Variants in NXPH1 observed in about 807,000 individuals in gnomAD.
The protein encoded by NXPH1 is neurexophilin-1.
A neutral mutation model predicts 23.7 loss-of-function variants in NXPH1; 5 were observed. That is an observed-to-expected ratio of 0.21 (90% CI 0.11 to 0.44). The LOEUF (loss-of-function observed/expected upper bound fraction) is 0.44. Ranked by LOEUF, NXPH1 falls within the 20% of genes least tolerant of loss-of-function variation. The probability of loss-of-function intolerance (pLI) is 0.99; values close to 1 mark genes in which losing one functional copy is unlikely to be tolerated. For synonymous variants in NXPH1, 144 were observed against 122.2 expected (o/e 1.18, Z -1.18); for missense variants, 324 against 321.6 (o/e 1.01, Z -0.06).
chr7:8,462,104 A>G (rs1266872433), intron 2 of NXPH1, among the ~76,000 whole-genome samples: 1 of 152,056 alleles, frequency 6.6e-6, no homozygotes, highest in Non-Finnish European at 1.5e-5. Flanking sequence ...GCTGGAGTGC[A>G]GTGGCGTGAT....
At chr7:8,569,468 A>C (rs1818607838) in intron 2 of NXPH1, among the ~76,000 whole-genome samples, 1 of 151,952 alleles carries the variant, frequency 6.6e-6, no homozygotes, top group Admixed American at 6.6e-5. Context: ...ATTTTAAGAT[A>C]TCTGTTAGCA....
At chr7:8,534,216 G>C (rs1328524485) in intron 2 of NXPH1, among the ~76,000 whole-genome samples, 5 of 152,042 alleles carry the variant, frequency 3.3e-5, no homozygotes, top group Non-Finnish European at 1.5e-5. Flanking sequence ...GCAGATGCTG[G>C]TGCCTCAAAG....
At chr7:8,698,130 G>A (rs944253957) in intron 2 of NXPH1, among the ~76,000 whole-genome samples, 3 of 152,158 alleles carry the variant, frequency 2.0e-5, no homozygotes, top group East Asian at 1.9e-4. Flanking sequence ...GGAGGCTTTC[G>A]GAGTCAGAAA....
rs34187217 is a variant in NXPH1 at position 8,446,909 on chromosome 7, CTT to C, written c.54+11153_54+11154del. ...CAATGATAACTAGAATAGTAATATT[CTT>C]TTTTTTTTTTCTTATAAGAATGACC... On this transcript the variant is annotated intron_variant, in intron 2 of 2. Transcript: ENST00000405863. Among the ~76,000 whole-genome samples the C allele has an allele frequency of 4.0e-3, 601 of 148,600 alleles. 8 individuals are homozygous for C. The highest frequency in any genetic ancestry group is 0.013 in the African/African-American group (546 of 40,618).
chr7:8,743,050 A>T (rs914006414), intron 2 of NXPH1, among the ~76,000 whole-genome samples: 1 of 152,222 alleles, frequency 6.6e-6, no homozygotes, highest in Non-Finnish European at 1.5e-5. Context: ...GCCCTTAACC[A>T]ATAGTAGTCA....
At chr7:8,647,462 C>G (rs1820414260) in intron 2 of NXPH1, among the ~76,000 whole-genome samples, 1 of 152,060 alleles carries the variant, frequency 6.6e-6, no homozygotes, top group Non-Finnish European at 1.5e-5. Context: ...AGTGCCAGGC[C>G]AGTTCAGCCA....
At chr7:8,464,188 A>G (rs1276554313) in intron 2 of NXPH1, among the ~76,000 whole-genome samples, 1 of 152,008 alleles carries the variant, frequency 6.6e-6, no homozygotes, top group African/African-American at 2.4e-5. Flanking sequence ...ATCTATCTCC[A>G]TTTAACCTCC....
chr7:8,528,179 C>G (rs1000172733), intron 2 of NXPH1, among the ~76,000 whole-genome samples: 6 of 152,204 alleles, frequency 3.9e-5, no homozygotes, highest in Admixed American at 3.9e-4. Context: ...GGAGCAAAGG[C>G]TTATCTTGCA....
intron 2 of NXPH1, among the ~76,000 whole-genome samples, chr7:8,663,600 A>C (rs780249159): frequency 6.6e-6 from 1 of 152,114 alleles, no homozygotes; most frequent in Non-Finnish European, 1.5e-5. Context: ...AAGGTTTCTC[A>C]ATTGCCAAAA....
intron 2 of NXPH1, among the ~76,000 whole-genome samples, chr7:8,594,160 C>T (rs181107849): frequency 3.3e-5 from 5 of 152,144 alleles, no homozygotes; most frequent in Admixed American, 2.6e-4. Flanking sequence ...CCACCCCCCA[C>T]GTTTACTTGA....
chr7:8,444,302 AGAGCGGTCGGAAGGTGAGGAAGAGAAG>A (rs1471986254), intron 2 of NXPH1, among the ~76,000 whole-genome samples: 2 of 152,196 alleles, frequency 1.3e-5, no homozygotes, highest in Non-Finnish European at 2.9e-5. Flanking sequence ...GAAGGTGAAA[AGAGCGGTCGGAAGGTGAGGAAGAGAAG>A]GTTTAGGCGC....
At chr7:8,671,116 A>G (rs139476590) in intron 2 of NXPH1, among the ~76,000 whole-genome samples, 18 of 152,352 alleles carry the variant, frequency 1.2e-4, no homozygotes, top group Admixed American at 3.3e-4. Context: ...ATTACTTTTT[A>G]AGGCAAAAAT....
In NXPH1 at chr7:8,511,471, T is replaced by C. The variant is rs76555586; in HGVS notation, c.54+75704T>C. 6.0e-4 allele frequency among the ~76,000 whole-genome samples: 92 copies of C among 152,202 alleles called. 1 individual carries two copies. In the East Asian group the frequency reaches 0.017, roughly 28 times the overall value. ...GCTGTCTGGCACCCTGCTCCCTCTC[T>C]CAGATGTGAGGCTGGTGTGTACAGT... On this transcript the variant is annotated intron_variant, in intron 2 of 2. Coordinates refer to ENST00000405863, the MANE Select transcript of NXPH1 (RefSeq NM_152745.3).
In NXPH1 at chr7:8,518,922, A is replaced by G. The variant is rs138463910; in HGVS notation, c.54+83155A>G. Among the ~76,000 whole-genome samples, 3 of 147,562 alleles carry G rather than the reference A, an allele frequency of 2.0e-5. No homozygotes were observed. In the East Asian group the frequency reaches 6.0e-4, roughly 29 times the overall value. ...CCCCAGCTTCCCCCATCCCCTGTTCATTTTTTTTTTCTCCCCAAAGGCTGG... is the reference window on the plus strand; with the variant it reads ...CCCCAGCTTCCCCCATCCCCTGTTCGTTTTTTTTTTCTCCCCAAAGGCTGG... On this transcript the variant is annotated intron_variant, in intron 2 of 2. Transcript: ENST00000405863.
intron 2 of NXPH1, among the ~76,000 whole-genome samples, chr7:8,707,233 A>G (rs189763756): frequency 1.2e-3 from 186 of 152,268 alleles, no homozygotes; most frequent in Non-Finnish European, 2.2e-3. Flanking sequence ...TTGTAAACAC[A>G]TTATGCTTTT....
At chr7:8,628,658 A>G (rs919931118) in intron 2 of NXPH1, among the ~76,000 whole-genome samples, 11 of 152,122 alleles carry the variant, frequency 7.2e-5, no homozygotes, top group African/African-American at 2.7e-4. Flanking sequence ...TGCAGAGATT[A>G]TCTTCAGGAA....
intron 2 of NXPH1, among the ~76,000 whole-genome samples, chr7:8,469,773 C>T (rs923683220): frequency 1.3e-5 from 2 of 152,102 alleles, no homozygotes; most frequent in African/African-American, 4.8e-5. Context: ...TGTATGATAA[C>T]TACCAAAGAC....
rs1008556151 is a variant in NXPH1 at position 8,433,685 on chromosome 7, G to T, written c.-1181G>T. Among the ~76,000 whole-genome samples the T allele has an allele frequency of 2.6e-5, 4 of 152,158 alleles. No individual in the cohort carries two copies. The highest frequency in any genetic ancestry group is 5.9e-5 in the Non-Finnish European group (4 of 68,010). ...CCTCCGGCCCGGCAGCCACAGGTCG[G>T]AGGCGCCCGGCGTCGGCGCTCGAGG... is the stretch of plus-strand genomic sequence containing the variant. On this transcript the variant is annotated 5_prime_UTR_variant, in exon 1 of 3. An upstream open reading frame in the 5' UTR gains an earlier in-frame stop. Coordinates refer to ENST00000405863, the MANE Select transcript of NXPH1 (RefSeq NM_152745.3). The surrounding 1 kb of genome is among the most constrained non-coding windows in gnomAD (Gnocchi z 6.8).
At chr7:8,740,659 C>G (rs1780345574) in intron 2 of NXPH1, among the ~76,000 whole-genome samples, 1 of 152,034 alleles carries the variant, frequency 6.6e-6, no homozygotes, top group Non-Finnish European at 1.5e-5. Context: ...ACCTGAAGCA[C>G]TGCTTTGCAT....
Sources: allele counts gnomAD v4.1 joint callset (sites outside exome capture counted in the v4.1 genomes callset), GRCh38; gene constraint gnomAD v4.1.1; non-coding constraint Gnocchi (gnomAD v3.1); transcripts MANE v1.5; gene names NCBI Gene and HGNC (gene_info 2026-07-23, HGNC 2026-07-21).